The following MSH4 variants were observed in gnomAD, a reference collection of about 807,000 sequenced individuals.
The protein encoded by MSH4 is mutS protein homolog 4.
Under a neutral mutation model 113.7 loss-of-function variants are expected in MSH4, and 106 were observed. The observed-to-expected ratio is 0.93, with a 90% CI of 0.80 to 1.10. The LOEUF (loss-of-function observed/expected upper bound fraction) is 1.10, where lower values mean the gene tolerates loss of function less well. Ranked by LOEUF, MSH4 falls within the 50% of genes least tolerant of loss-of-function variation. The pLI, the probability that MSH4 is intolerant of heterozygous loss-of-function variation, is 0.00. For synonymous variants in MSH4, 368 were observed against 380.2 expected (o/e 0.97, Z 0.37); for missense variants, 1,061 against 1,093.7 (o/e 0.97, Z 0.42).
chr1:75,806,895 CTTGA>C (rs1404362328), intron 2 of MSH4, 82 bp from the exon 3 acceptor site: 3 of 1,258,628 alleles, frequency 2.4e-6, no homozygotes, highest in Non-Finnish European at 2.1e-6. Flanking sequence ...ATTTTGTCCT[CTTGA>C]TTAAGAATTT....
chr1:75,898,436 T>C (rs549793131), intron 18 of MSH4, among the ~76,000 whole-genome samples: 1 of 152,174 alleles, frequency 6.6e-6, no homozygotes, highest in African/African-American at 2.4e-5. Context: ...GCAGGGTCCT[T>C]CCTCTGTTTT....
chr1:75,867,473 A>G, intron 8 of MSH4, 41 bp from the exon 9 acceptor site: 1 of 1,061,892 alleles, frequency 9.4e-7, no homozygotes, highest in Non-Finnish European at 1.4e-6. Context: ...TCTATTAAAT[A>G]TTTATGGTGT....
At chr1:75,836,299 T>C (rs1405989271) in intron 7 of MSH4, among the ~76,000 whole-genome samples, 1 of 21,170 alleles carries the variant, frequency 4.7e-5, no homozygotes, top group Non-Finnish European at 1.4e-4. Context: ...TTTCTTTCTT[T>C]TTCTTTTTTT....
Position 75,815,126 on chromosome 1 carries a change from G to C in MSH4, c.805G>C (p.Val269Leu), listed in dbSNP as rs777562563. The C allele has an allele frequency of 1.0e-5, 16 of 1,535,236 alleles. No homozygotes were observed. Among genetic ancestry groups the C allele is most frequent in the Middle Eastern group, 1.7e-4 (1 of 5,734 alleles). Residue 269 changes from valine to leucine, a missense_variant, in exon 5 of 20, where the codon GTT becomes CTT. Coordinates refer to ENST00000263187, the MANE Select transcript of MSH4 (RefSeq NM_002440.4). ...AGAATTCAGCACTGTCCTAATGGAGGTTCAGTCCAAGTAAGTTATATATTT... is the reference window on the plus strand; with the variant it reads ...AGAATTCAGCACTGTCCTAATGGAGCTTCAGTCCAAGTAAGTTATATATTT... ...IAEFSTVLME[V>L]QSKYYCLAAV...
chr1:75,872,693 A>T (rs1232552118), intron 9 of MSH4, among the ~76,000 whole-genome samples: 2 of 152,244 alleles, frequency 1.3e-5, no homozygotes, highest in Non-Finnish European at 2.9e-5. Flanking sequence ...ACAAGTGAAG[A>T]TGTTATCACA....
chr1:75,898,264 T>C (rs1014933612), intron 18 of MSH4, among the ~76,000 whole-genome samples, 183 bp downstream of exon 18: 5 of 152,086 alleles, frequency 3.3e-5, no homozygotes, highest in Admixed American at 1.3e-4. Context: ...GATATAGATA[T>C]ATAAATCTTT....
At chr1:75,884,322 C>T (rs1430217915) in intron 15 of MSH4, among the ~76,000 whole-genome samples, 1 of 152,032 alleles carries the variant, frequency 6.6e-6, no homozygotes, top group East Asian at 1.9e-4. Flanking sequence ...TGCATACATG[C>T]ATCTAAATGG....
chr1:75,892,970 G>A (rs897858601), intron 17 of MSH4, among the ~76,000 whole-genome samples: 1 of 152,128 alleles, frequency 6.6e-6, no homozygotes, highest in African/African-American at 2.4e-5. Flanking sequence ...GGTGAATGCA[G>A]GCAAACAAGC....
At chr1:75,804,901 C>T (rs1352454563) in intron 2 of MSH4, among the ~76,000 whole-genome samples, 1 of 151,940 alleles carries the variant, frequency 6.6e-6, no homozygotes, top group Non-Finnish European at 1.5e-5. Context: ...CAACTTGGCT[C>T]ACTGTAACCT....
At chr1:75,807,685 G>A (rs938906943) in intron 3 of MSH4, among the ~76,000 whole-genome samples, 1 of 152,184 alleles carries the variant, frequency 6.6e-6, no homozygotes, top group Non-Finnish European at 1.5e-5. Context: ...ATGCATAGGG[G>A]TGCCAAATTG....
intron 8 of MSH4, among the ~76,000 whole-genome samples, chr1:75,861,519 C>A (rs771531169): frequency 2.6e-5 from 4 of 152,168 alleles, no homozygotes; most frequent in Non-Finnish European, 5.9e-5. Flanking sequence ...AACAGACAGG[C>A]CACTCAGCTG....
rs1286685099 is a variant in MSH4, at chr1:75,796,965, G to A, written c.-21G>A. 6.2e-7 allele frequency: 1 copy of A among 1,613,384 alleles called. No individual in the cohort carries two copies. The highest frequency in any genetic ancestry group is 8.5e-7 in the Non-Finnish European group (1 of 1,179,736). The stretch of plus-strand genomic sequence containing the variant: ...TCGCTCAGAAACCTCATACTTCTCG[G>A]GTCAGGGAAGGTTTGGGAGGATGCT... On this transcript the variant is annotated 5_prime_UTR_variant, in exon 1 of 20. Coordinates refer to ENST00000263187, the MANE Select transcript of MSH4 (RefSeq NM_002440.4).
chr1:75,808,963 G>T (rs913009805), intron 3 of MSH4, among the ~76,000 whole-genome samples: 2 of 152,034 alleles, frequency 1.3e-5, no homozygotes, highest in African/African-American at 4.8e-5. Flanking sequence ...TTGCTCTTTT[G>T]CCTAGGCTGA....
rs1651833821 is a variant in MSH4 at position 75,877,147 on chromosome 1, T to C, written c.1370+147T>C. 2.7e-5 allele frequency: 12 copies of C among 438,336 alleles called. No individual in the cohort carries two copies. The South Asian group carries it at 6.9e-4, about 25-fold the overall frequency. The allele number at this position is 438,336 out of a possible 1,614,324, so 27.2% of individuals were successfully genotyped here. On this transcript the variant is annotated intron_variant, in intron 10 of 19. Coordinates refer to ENST00000263187, the MANE Select transcript of MSH4 (RefSeq NM_002440.4). ...TTTAACCTATTCATCAAAATTCTAA[T>C]TGTACATTTCACATTATAAGTAGAA...
chr1:75,869,027 G>T (rs561541315), intron 9 of MSH4, among the ~76,000 whole-genome samples: 1 of 152,162 alleles, frequency 6.6e-6, no homozygotes, highest in South Asian at 2.1e-4. Flanking sequence ...GGAACAGTTC[G>T]GAGGGCTCAG....
intron 7 of MSH4, among the ~76,000 whole-genome samples, chr1:75,838,990 GACATAACAGTTTA>G (rs1280514523): frequency 2.7e-4 from 41 of 152,030 alleles, no homozygotes; most frequent in Admixed American, 2.7e-3. Context: ...ATAAGGCTAG[GACATAACAGTTTA>G]ACATATTTGT....
At chr1:75,810,125 T>G (rs1650155650) in intron 3 of MSH4, among the ~76,000 whole-genome samples, 1 of 152,120 alleles carries the variant, frequency 6.6e-6, no homozygotes, top group African/African-American at 2.4e-5. Context: ...ATAGCCTATT[T>G]TATGACAGTA....
In MSH4 at chr1:75,910,386, C is replaced by G. The variant is rs1488846687; in HGVS notation, c.2620-2310C>G. The stretch of plus-strand genomic sequence containing the variant: ...CTCCTGGATATTTTCATTCTCCTAC[C>G]TGTTTGATTATTTCTTCTGTCCCTT... On this transcript the variant is annotated intron_variant, in intron 19 of 19. Transcript: ENST00000263187. Among the ~76,000 whole-genome samples, 3 of 151,880 alleles carry G rather than the reference C, an allele frequency of 2.0e-5. No individual in the cohort carries two copies. The East Asian group carries it at 5.8e-4, about 29-fold the overall frequency.
intron 7 of MSH4, among the ~76,000 whole-genome samples, chr1:75,837,290 C>G (rs1419276455): frequency 6.6e-6 from 1 of 151,964 alleles, no homozygotes; most frequent in Non-Finnish European, 1.5e-5. Flanking sequence ...ATAAGCCACT[C>G]AGCTTGTGGT....
Sources: gnomAD v4.1 joint callset for allele counts (sites outside exome capture counted in the v4.1 genomes callset) on GRCh38, gnomAD v4.1.1 for gene constraint, MANE v1.5 for transcripts, NCBI Gene and HGNC (gene_info 2026-07-23, HGNC 2026-07-21) for gene names.